Variants in C3orf20 observed in about 807,000 individuals in gnomAD.
C3orf20 encodes family with sequence similarity 149 member C, also known as uncharacterized protein C3orf20.
In C3orf20, 76 loss-of-function variants were observed where a neutral mutation model predicts 88.3. The ratio of observed to expected loss-of-function variants is 0.86; its 90% CI spans 0.72 to 1.04. The LOEUF is 1.04. Among genes scored for constraint, C3orf20 ranks in the 50% least tolerant of loss-of-function variants. The pLI is 0.00. For synonymous variants in C3orf20, 436 were observed against 437.4 expected, an observed-to-expected ratio of 1.00 and a Z score of 0.04; for missense variants, 1,056 against 1,123.3, an observed-to-expected ratio of 0.94 and a Z score of 0.86.
chr3:14,688,529 C>CAAAAAAAAAAAAAAAAAAA (rs35979290), intron 4 of C3orf20, among the ~76,000 whole-genome samples: 2 of 105,850 alleles, frequency 1.9e-5, no homozygotes, highest in Middle Eastern at 4.7e-3. Context: ...GAGACTGTCT[C>CAAAAAAAAAAAAAAAAAAA]AAAAAAAAAA....
intron 12 of C3orf20, among the ~76,000 whole-genome samples, chr3:14,749,527 G>C (rs755088006): frequency 1.3e-5 from 2 of 151,160 alleles, no homozygotes; most frequent in Non-Finnish European, 3.0e-5. Flanking sequence ...CATGTAGTTG[G>C]ATTACAGTTG....
chr3:14,754,242 G>C (rs974299076), intron 12 of C3orf20, among the ~76,000 whole-genome samples: 1 of 152,146 alleles, frequency 6.6e-6, no homozygotes, highest in Admixed American at 6.6e-5. Context: ...AAATGCACCT[G>C]ACAGATGCTT....
chr3:14,730,557 A>G (rs2124992526), intron 12 of C3orf20, among the ~76,000 whole-genome samples: 2 of 152,248 alleles, frequency 1.3e-5, no homozygotes, highest in East Asian at 3.9e-4. Flanking sequence ...AAAAATAATA[A>G]TAATAATAAT....
chr3:14,741,056 A>C (rs2034884703), intron 12 of C3orf20, among the ~76,000 whole-genome samples: 1 of 152,224 alleles, frequency 6.6e-6, no homozygotes, highest in African/African-American at 2.4e-5. Context: ...AAAACCGTAG[A>C]CATAATTTAA....
chr3:14,710,798 A>G (rs1220227547), intron 7 of C3orf20, among the ~76,000 whole-genome samples: 3 of 152,128 alleles, frequency 2.0e-5, no homozygotes, highest in Non-Finnish European at 4.4e-5. Context: ...TGTGAGAAGA[A>G]TGTGTGTTCT....
chr3:14,675,889 C>T (rs1273968736), intron 1 of C3orf20, among the ~76,000 whole-genome samples: 1 of 151,908 alleles, frequency 6.6e-6, no homozygotes, highest in Non-Finnish European at 1.5e-5. Flanking sequence ...TGGGGTTTCA[C>T]CCATGTTGGC....
intron 1 of C3orf20, among the ~76,000 whole-genome samples, chr3:14,677,766 G>A (rs953493727): frequency 4.6e-5 from 7 of 152,258 alleles, no homozygotes; most frequent in African/African-American, 1.7e-4. Context: ...CTCCCAAAGT[G>A]CTGGGATTAC....
intron 10 of C3orf20, 143 bp from the exon 11 acceptor site, chr3:14,726,758 G>C (rs1324788721): frequency 2.7e-6 from 3 of 1,091,738 alleles, no homozygotes; most frequent in Admixed American, 4.3e-5. Context: ...GGGCTGAGAG[G>C]GAGAGAGGTG....
chr3:14,700,294 G>A (rs2033199053), intron 5 of C3orf20, among the ~76,000 whole-genome samples: 1 of 152,134 alleles, frequency 6.6e-6, no homozygotes, highest in African/African-American at 2.4e-5. Context: ...CCTATGGGGA[G>A]AACAATCAGT....
intron 4 of C3orf20, 77 bp downstream of exon 4, chr3:14,684,459 C>T: frequency 6.5e-7 from 1 of 1,545,932 alleles, no homozygotes; most frequent in South Asian, 1.2e-5. Context: ...GGCAAAACCC[C>T]CAGTTTGAAG....
Position 14,715,389 on chromosome 3 carries a change from C to G in C3orf20, c.1414C>G (p.Leu472Val). 1 of 1,611,914 alleles carries G rather than the reference C, an allele frequency of 6.2e-7. No homozygotes were observed. The highest frequency in any genetic ancestry group is 8.5e-7 in the Non-Finnish European group (1 of 1,179,572). The change falls in exon 9 of 17, where the codon CTG becomes GTG. Residue 472 changes from leucine to valine, a missense_variant. Physicochemically the swap from Leu to Val is conservative, Grantham distance 32 (BLOSUM62 1). Transcript: ENST00000253697. Reference sequence around the variant, plus strand: ...GAGCTGGACTTCCAGGACAGAGACCCTGCTTTCCCTGGAATACAAGGTAGG... The same window carrying G: ...GAGCTGGACTTCCAGGACAGAGACCGTGCTTTCCCTGGAATACAAGGTAGG... Reference protein sequence around the residue: ...KWSWTSRTETLLSLEYKVNEE... With the variant: ...KWSWTSRTETVLSLEYKVNEE...
intron 12 of C3orf20, among the ~76,000 whole-genome samples, chr3:14,755,761 G>A (rs768595212): frequency 5.9e-5 from 9 of 152,136 alleles, no homozygotes; most frequent in Non-Finnish European, 1.2e-4. Context: ...TGGGCGCGGC[G>A]GCTCACGCCT....
At chr3:14,729,113 C>T (rs904457492) in intron 12 of C3orf20, among the ~76,000 whole-genome samples, 20 of 152,186 alleles carry the variant, frequency 1.3e-4, no homozygotes, top group African/African-American at 4.1e-4. Context: ...ACAGCCACTT[C>T]CTTGTGACAG....
intron 1 of C3orf20, among the ~76,000 whole-genome samples, chr3:14,678,858 A>C (rs1253404054): frequency 2.0e-5 from 3 of 152,220 alleles, no homozygotes; most frequent in Admixed American, 6.5e-5. Flanking sequence ...AAGACAATAC[A>C]TTTCAGTATT....
At chr3:14,687,324 A>G (rs951510544) in intron 4 of C3orf20, among the ~76,000 whole-genome samples, 1 of 152,228 alleles carries the variant, frequency 6.6e-6, no homozygotes, top group Non-Finnish European at 1.5e-5. Context: ...TGTTATTTTC[A>G]TAAATTTTGG....
At chr3:14,677,025 T>C (rs1293424964) in intron 1 of C3orf20, among the ~76,000 whole-genome samples, 4 of 152,312 alleles carry the variant, frequency 2.6e-5, no homozygotes, top group South Asian at 2.1e-4. Context: ...TTTATGCATC[T>C]AGTGAGGGCT....
intron 13 of C3orf20, among the ~76,000 whole-genome samples, chr3:14,759,000 C>A (rs1345097292): frequency 2.0e-5 from 3 of 152,190 alleles, no homozygotes; most frequent in African/African-American, 7.2e-5. Context: ...TGGGGCTAGT[C>A]GTTGTTCGCT....
intron 12 of C3orf20, among the ~76,000 whole-genome samples, chr3:14,748,901 C>T (rs1273051941): frequency 6.6e-6 from 1 of 152,122 alleles, no homozygotes; most frequent in African/African-American, 2.4e-5. Context: ...GTTCCATGTG[C>T]AATAGAGAAG....
rs571967570 is a variant in C3orf20 at position 14,761,354 on chromosome 3, G to C, written c.2353-119G>C. 453 of 1,227,014 alleles carry C rather than the reference G, an allele frequency of 3.7e-4. 2 individuals are homozygous for C. The highest frequency in any genetic ancestry group is 2.8e-4 in the Admixed American group (15 of 54,168). The allele number at this position is 1,227,014 out of a possible 1,614,324, so 76.0% of individuals were successfully genotyped here. ...AGCCACCCCAGGCCTGCCTCACGGC[G>C]TAAGCTCTGAGAGGCCTGTGGCGCT... On this transcript the variant is annotated intron_variant, in intron 14 of 16. Transcript: ENST00000253697.
Sources: gnomAD v4.1 joint callset for allele counts (sites outside exome capture counted in the v4.1 genomes callset) on GRCh38, gnomAD v4.1.1 for gene constraint, MANE v1.5 for transcripts, NCBI Gene and HGNC (gene_info 2026-07-23, HGNC 2026-07-21) for gene names.